The following TTYH2 variants were observed in gnomAD, a reference collection of about 807,000 sequenced individuals.
TTYH2 encodes tweety family member 2.
A neutral mutation model predicts 68.3 loss-of-function variants in TTYH2; 49 were observed. That is an observed-to-expected ratio of 0.72 (90% CI 0.57 to 0.91). The LOEUF (loss-of-function observed/expected upper bound fraction) is 0.91. Ranked by LOEUF, TTYH2 falls within the 40% of genes least tolerant of loss-of-function variation. The pLI, the probability that TTYH2 is intolerant of heterozygous loss-of-function variation, is 0.00. For synonymous variants in TTYH2, 272 were observed against 300.8 expected (o/e 0.90, Z 0.99); for missense variants, 631 against 700.4 (o/e 0.90, Z 1.12).
At chr17:74,233,485 G>A (rs554942729) in intron 3 of TTYH2, among the ~76,000 whole-genome samples, 12 of 152,190 alleles carry the variant, frequency 7.9e-5, no homozygotes, top group East Asian at 1.9e-4. Context: ...TGGGGTCAGC[G>A]GGAGGCTGGG....
chr17:74,237,280 C>T lies in TTYH2; in HGVS notation c.415-14C>T, dbSNP rs74718342. The T allele has an allele frequency of 0.094, 152,213 of 1,612,848 alleles. 7,959 individuals carry two copies. Among genetic ancestry groups the T allele is most frequent in the Middle Eastern group, 0.18 (1,074 of 6,056 alleles). ...GCTCTACCTCCATGGCTTTTGCCCC[C>T]TGCTCCTCCCTAGGTTTCCGGAACT... On this transcript the variant is annotated splice_polypyrimidine_tract_variant and intron_variant, in intron 3 of 13. Coordinates refer to ENST00000269346, the MANE Select transcript of TTYH2 (RefSeq NM_032646.6).
intron 1 of TTYH2, among the ~76,000 whole-genome samples, chr17:74,218,247 T>C (rs1326963456): frequency 6.6e-6 from 1 of 152,002 alleles, no homozygotes; most frequent in Admixed American, 6.6e-5. Context: ...CCACCTTCCC[T>C]CTTCTTTCTT....
intron 2 of TTYH2, among the ~76,000 whole-genome samples, chr17:74,223,306 G>T (rs1275456237): frequency 6.7e-6 from 1 of 150,138 alleles, no homozygotes; most frequent in African/African-American, 2.5e-5. Context: ...GGGTGGGCGG[G>T]GAAGAGACAG....
chr17:74,251,138 ATG>A (rs1171143091), intron 10 of TTYH2, among the ~76,000 whole-genome samples: 1 of 148,528 alleles, frequency 6.7e-6, no homozygotes, highest in Non-Finnish European at 1.5e-5. Flanking sequence ...GGGTGCACAT[ATG>A]TGATGTGTGT....
intron 2 of TTYH2, among the ~76,000 whole-genome samples, chr17:74,223,285 T>TGGG (rs1555597190): frequency 8.5e-6 from 1 of 117,730 alleles, no homozygotes; most frequent in African/African-American, 3.5e-5. Flanking sequence ...GCTTTTTTTT[T>TGGG]GGGGGGCGGG....
rs562059793 is a variant in TTYH2 at position 74,260,316 on chromosome 17, G to T, written c.*107G>T. The T allele has an allele frequency of 1.7e-5, 20 of 1,179,424 alleles. No homozygotes were observed. Among genetic ancestry groups the T allele is most frequent in the Non-Finnish European group, 2.4e-5 (19 of 807,288 alleles). 73.1% of individuals were successfully genotyped at this position (1,179,424 alleles called of 1,614,324 possible). A position where few individuals can be genotyped will look rare whatever the true frequency, so the allele number is the denominator to read the frequency against. On this transcript the variant is annotated 3_prime_UTR_variant, in exon 14 of 14. Coordinates refer to ENST00000269346, the MANE Select transcript of TTYH2 (RefSeq NM_032646.6). ...ACCAAAGGCATCTGGAGCCCGAGAG[G>T]CCTCCTGCTGTGGCAGAGGAGCAGC...
chr17:74,224,536 A>G (rs185593669), intron 2 of TTYH2, among the ~76,000 whole-genome samples: 138 of 152,326 alleles, frequency 9.1e-4, no homozygotes, highest in Admixed American at 2.4e-3. Flanking sequence ...GTGTAGGGAA[A>G]ACTCAAGGTG....
intron 1 of TTYH2, among the ~76,000 whole-genome samples, chr17:74,216,120 A>C (rs73995082): frequency 0.045 from 6,894 of 152,330 alleles, 459 homozygotes; most frequent in African/African-American, 0.14. Flanking sequence ...CCCATAGCAC[A>C]TAACAGGAGC....
In TTYH2 at chr17:74,243,411, G is replaced by T; in HGVS notation, c.673G>T (p.Val225Phe). Residue 225 changes from valine to phenylalanine, a missense_variant, in exon 5 of 14, where the codon GTC (valine) becomes TTC (phenylalanine). Transcript: ENST00000269346. Reference sequence around the variant, plus strand: ...CCTCCTGCTCTTTATCCTGGACCTGGTCATCTGCCTCATTGCCTGCCTGGG... The same window carrying T: ...CCTCCTGCTCTTTATCCTGGACCTGTTCATCTGCCTCATTGCCTGCCTGGG... The part of the protein sequence containing the change: ...SYLLLFILDL[V>F]ICLIACLGLA... 1.9e-6 allele frequency: 3 copies of T among 1,614,162 alleles called. No individual in the cohort carries two copies. The South Asian group carries it at 3.3e-5, about 18-fold the overall frequency.
chr17:74,222,592 G>A lies in TTYH2; in HGVS notation c.237G>A (p.Val79=). 1.2e-6 allele frequency: 2 copies of A among 1,612,200 alleles called. No homozygotes were observed. Among genetic ancestry groups the A allele is most frequent in the Non-Finnish European group, 1.7e-6 (2 of 1,180,002 alleles). Residue 79 remains valine (V), a synonymous_variant, in exon 2 of 14, where the codon GTG becomes GTA. Coordinates refer to ENST00000269346, the MANE Select transcript of TTYH2 (RefSeq NM_032646.6). The surrounding 1 kb of genome is among the most constrained non-coding windows in gnomAD (Gnocchi z 5.2). ...CACHCRRDDA[V]QTKQHHSCCI... Reference sequence around the variant, plus strand: ...GCCACTGCCGGCGGGACGATGCGGTGCAGACCAAGCAGCACCACTCCTGCT... The same window carrying A: ...GCCACTGCCGGCGGGACGATGCGGTACAGACCAAGCAGCACCACTCCTGCT...
At chr17:74,221,863 A>G (rs1158069682) in intron 1 of TTYH2, among the ~76,000 whole-genome samples, 2 of 152,124 alleles carry the variant, frequency 1.3e-5, no homozygotes, top group Non-Finnish European at 2.9e-5. Flanking sequence ...ACATCCCCCA[A>G]GCATGGAGCT....
chr17:74,253,683 C>T, intron 12 of TTYH2, 72 bp from the exon 13 acceptor site: 1 of 1,483,870 alleles, frequency 6.7e-7, no homozygotes. Flanking sequence ...CCCATGGGAC[C>T]CTCCTGTAGA....
chr17:74,247,915 G>T (rs1186925236), intron 6 of TTYH2: 1 of 152,374 alleles, frequency 6.6e-6, no homozygotes, highest in Non-Finnish European at 1.5e-5. Context: ...TGTATCTGGA[G>T]GGGTGTGTTA....
At chr17:74,252,973 C>A in intron 11 of TTYH2, 108 bp from the exon 12 acceptor site, 1 of 1,180,804 alleles carries the variant, frequency 8.5e-7, no homozygotes, top group Non-Finnish European at 1.2e-6. Flanking sequence ...AGGAGACACG[C>A]GTGGCCAGAG....
intron 4 of TTYH2, among the ~76,000 whole-genome samples, chr17:74,243,126 G>C (rs1192543554): frequency 1.3e-5 from 2 of 152,228 alleles, no homozygotes; most frequent in Admixed American, 1.3e-4. Context: ...CTAGTGCACA[G>C]TGCTGGTTTT....
intron 6 of TTYH2, among the ~76,000 whole-genome samples, chr17:74,244,873 T>C (rs1007395554): frequency 5.3e-5 from 8 of 151,974 alleles, no homozygotes; most frequent in Non-Finnish European, 8.8e-5. Context: ...TGTGTGTGTG[T>C]GTGTGTGTGT....
In TTYH2 at chr17:74,235,295, CTCT is replaced by C. The variant is rs1442210159; in HGVS notation, c.415-1992_415-1990del. Among the ~76,000 whole-genome samples, 4 of 152,266 alleles carry C rather than the reference CTCT, an allele frequency of 2.6e-5. No individual in the cohort carries two copies. The South Asian group carries it at 6.2e-4, about 24-fold the overall frequency. On this transcript the variant is annotated intron_variant, in intron 3 of 13. Coordinates refer to ENST00000269346, the MANE Select transcript of TTYH2 (RefSeq NM_032646.6). ...TGATCTCACTGTGGGAAGTTTCTGC[CTCT>C]TCTTCTGTGTCGTTTTTATCTCCCA...
chr17:74,220,430 G>A (rs189236192), intron 1 of TTYH2, among the ~76,000 whole-genome samples: 9 of 152,312 alleles, frequency 5.9e-5, no homozygotes, highest in African/African-American at 1.9e-4. Context: ...CTCCAGGGCG[G>A]GGCTAGAGAT....
intron 5 of TTYH2, 124 bp from the exon 6 acceptor site, chr17:74,243,853 C>T (rs767689448): frequency 2.2e-5 from 19 of 858,670 alleles, no homozygotes; most frequent in Non-Finnish European, 3.0e-5. Flanking sequence ...GCAGGGCCCA[C>T]GTCAGGGCAG....
Sources: allele counts gnomAD v4.1 joint callset (sites outside exome capture counted in the v4.1 genomes callset), GRCh38; gene constraint gnomAD v4.1.1; non-coding constraint Gnocchi (gnomAD v3.1); transcripts MANE v1.5; gene names NCBI Gene and HGNC (gene_info 2026-07-23, HGNC 2026-07-21).